LRIG1: variants seen among roughly 807,000 people sequenced by gnomAD.
LRIG1 encodes leucine-rich repeats and immunoglobulin-like domains protein 1.
In LRIG1, 48 loss-of-function variants were observed where a neutral mutation model predicts 99.2. The observed-to-expected ratio is 0.48, with a 90% CI of 0.38 to 0.62. The LOEUF is 0.62. Among genes scored for constraint, LRIG1 ranks in the 20% least tolerant of loss-of-function variants. The pLI is 0.00. For synonymous variants in LRIG1, 772 were observed against 596.1 expected (o/e 1.29, Z -4.30); for missense variants, 1,646 against 1,434.4 (o/e 1.15, Z -2.38).
intron 3 of LRIG1, among the ~76,000 whole-genome samples, chr3:66,437,239 A>G (rs1178776346): frequency 1.3e-5 from 2 of 152,196 alleles, no homozygotes; most frequent in Non-Finnish European, 2.9e-5. Flanking sequence ...CAAACAAGCG[A>G]GCAGAGACTG....
intron 1 of LRIG1, among the ~76,000 whole-genome samples, chr3:66,465,688 G>T (rs1042934083): frequency 6.6e-6 from 1 of 151,962 alleles, no homozygotes; most frequent in Non-Finnish European, 1.5e-5. Context: ...TTTTAATGTG[G>T]TAAAATACAT....
chr3:66,430,696 G>A (rs2106742355), intron 3 of LRIG1, among the ~76,000 whole-genome samples: 1 of 152,272 alleles, frequency 6.6e-6, no homozygotes, highest in Non-Finnish European at 1.5e-5. Context: ...CTTGGCATCT[G>A]GGCATGGCAA....
chr3:66,405,274 G>C lies in LRIG1; in HGVS notation c.1084C>G (p.Leu362Val), dbSNP rs202151228. ...KGLRSLRVLD[L>V]DHNEISGTIE... is the part of the protein sequence containing the mutation. Reference sequence around the variant, plus strand: ...GTGCCCGAAATCTCGTTATGGTCCAGATCCCTGGGGAGAGGACAGAAAGCA... The same window carrying C: ...GTGCCCGAAATCTCGTTATGGTCCACATCCCTGGGGAGAGGACAGAAAGCA... The change falls in exon 9 of 19, where the codon CTG (leucine) becomes GTG (valine). Residue 362 changes from leucine (L) to valine (V), a missense_variant. Transcript: ENST00000273261. 5 of 1,613,698 alleles carry C rather than the reference G, an allele frequency of 3.1e-6. No homozygotes were observed. Among genetic ancestry groups the C allele is most frequent in the Non-Finnish European group, 4.2e-6 (5 of 1,179,602 alleles).
chr3:66,490,796 G>A (rs1400610181), intron 1 of LRIG1, among the ~76,000 whole-genome samples: 7 of 152,206 alleles, frequency 4.6e-5, no homozygotes, highest in Admixed American at 1.3e-4. Context: ...TAAGGCCACC[G>A]AACACTCCAT....
intron 6 of LRIG1, among the ~76,000 whole-genome samples, chr3:66,411,661 C>G (rs939025627): frequency 1.3e-5 from 2 of 152,170 alleles, no homozygotes; most frequent in Admixed American, 6.5e-5. Flanking sequence ...GTGGATGGAC[C>G]TGGGCCTAGC....
intron 3 of LRIG1, among the ~76,000 whole-genome samples, chr3:66,428,848 A>G (rs757359360): frequency 2.6e-5 from 4 of 152,260 alleles, no homozygotes; most frequent in Non-Finnish European, 5.9e-5. Context: ...AATCAGAATA[A>G]GCAGGTCTCT....
In LRIG1 at chr3:66,381,629, C is replaced by T. The variant is rs765835455; in HGVS notation, c.2620G>A (p.Val874Met). ...QANGHIESNG[V>M]CPRDASHFPE... ...AAGTGGCTTGCATCTCTTGGACACA[C>T]ACCTGCAAGTGGATTCCAACACGAT... The change falls in exon 17 of 19, where the codon GTG becomes ATG. Residue 874 changes from valine to methionine, a missense_variant and splice_region_variant. By Grantham distance (21) the Val-to-Met change is conservative. Transcript: ENST00000273261. 1.9e-6 allele frequency: 3 copies of T among 1,612,784 alleles called. No individual in the cohort carries two copies. The highest frequency in any genetic ancestry group is 2.2e-5 in the East Asian group (1 of 44,860).
intron 1 of LRIG1, among the ~76,000 whole-genome samples, chr3:66,499,201 TTA>T (rs1353342444): frequency 1.1e-4 from 2 of 18,940 alleles, no homozygotes; most frequent in African/African-American, 1.4e-4. Context: ...TCTACCATGT[TTA>T]CACAGAAGTC....
chr3:66,474,610 T>C (rs1700677100), intron 1 of LRIG1, among the ~76,000 whole-genome samples: 1 of 152,134 alleles, frequency 6.6e-6, no homozygotes, highest in East Asian at 1.9e-4. Context: ...CCTCCCAAAG[T>C]GCTGGGATTA....
chr3:66,474,582 G>A (rs1333748712), intron 1 of LRIG1, among the ~76,000 whole-genome samples: 1 of 152,076 alleles, frequency 6.6e-6, no homozygotes, highest in Admixed American at 6.6e-5. Context: ...CTGACCTCAG[G>A]TGATCCGCCC....
intron 1 of LRIG1, among the ~76,000 whole-genome samples, chr3:66,467,697 G>C (rs376263603): frequency 1.3e-5 from 2 of 152,230 alleles, no homozygotes; most frequent in East Asian, 1.9e-4. Context: ...ACAGTACCAC[G>C]TGGCTAGTGG....
At chr3:66,406,529 C>T in intron 8 of LRIG1, 2 of 485,880 alleles carry the variant, frequency 4.1e-6, no homozygotes, top group Non-Finnish European at 5.4e-6. Context: ...AAAGGCCTCC[C>T]TCCCTGTCAC....
At chr3:66,394,860 G>A (rs1453957592) in intron 11 of LRIG1, among the ~76,000 whole-genome samples, 2 of 152,182 alleles carry the variant, frequency 1.3e-5, no homozygotes, top group South Asian at 2.1e-4. Context: ...TCAGGGGGCC[G>A]GCAGAATTCG....
rs755071993 is a variant in LRIG1, at chr3:66,451,572, C to A, written c.352G>T (p.Val118Phe). ...GGCACCACTTACAGAAAGAGAGAGA[C>A]GACATGTGATGAAGCAGCGCCCAGG... ...PSLGAASSHV[V>F]SLFLQHNKIR... Residue 118 changes from valine (V) to phenylalanine (F), a missense_variant, in exon 3 of 19, where the codon GTC (valine) becomes TTC (phenylalanine). By Grantham distance (50) the Val-to-Phe change is conservative (BLOSUM62 -1). Coordinates refer to ENST00000273261, the MANE Select transcript of LRIG1 (RefSeq NM_015541.3). 6.2e-7 allele frequency: 1 copy of A among 1,613,816 alleles called. No homozygotes were observed. The highest frequency in any genetic ancestry group is 1.3e-5 in the African/African-American group (1 of 74,870).
chr3:66,496,796 A>C (rs952091119), intron 1 of LRIG1, among the ~76,000 whole-genome samples: 2 of 152,184 alleles, frequency 1.3e-5, no homozygotes, highest in African/African-American at 2.4e-5. Flanking sequence ...CTGCACTTTA[A>C]ACTTAATTTG....
rs755779487 is a variant in LRIG1 at position 66,384,208 on chromosome 3, G to A, written c.1854C>T (p.Leu618=). The A allele has an allele frequency of 1.4e-5, 22 of 1,613,972 alleles. No homozygotes were observed. In the Middle Eastern group the frequency reaches 4.9e-4, roughly 36 times the overall value. Reference sequence around the variant, plus strand: ...TTGGGTGACCTGTGGCAGCACATTCGAGGCGGGCCATGGTGGTGGTCCGGA... The same window carrying A: ...TTGGGTGACCTGTGGCAGCACATTCAAGGCGGGCCATGGTGGTGGTCCGGA... ...ITIRTTTMAR[L]ECAATGHPNP... is the part of the protein sequence containing the mutation. The change falls in exon 14 of 19, where the codon CTC becomes CTT. Residue 618 remains leucine (L), a synonymous_variant. Transcript: ENST00000273261.
In LRIG1 at chr3:66,384,120, T is replaced by A; in HGVS notation, c.1942A>T (p.Met648Leu). ...TDFPAARERR[M>L]HVMPDDDVFF... ...ACGTCGTCATCCGGCATGACATGCA[T>A]GCGTCGCTCACGGGCAGCGGGGAAA... The change falls in exon 14 of 19, where the codon ATG becomes TTG. Residue 648 changes from methionine to leucine, a missense_variant. Physicochemically the swap from Met to Leu is conservative, Grantham distance 15 (BLOSUM62 2). Transcript: ENST00000273261. 6.2e-7 allele frequency: 1 copy of A among 1,614,222 alleles called. No homozygotes were observed. Among genetic ancestry groups the A allele is most frequent in the Non-Finnish European group, 8.5e-7 (1 of 1,180,040 alleles).
At chr3:66,470,494 C>T (rs985301497) in intron 1 of LRIG1, among the ~76,000 whole-genome samples, 1 of 152,056 alleles carries the variant, frequency 6.6e-6, no homozygotes, top group South Asian at 2.1e-4. Flanking sequence ...GAAGTCAGGA[C>T]CTCCTAGAAA....
At chr3:66,441,050 A>T (rs1703521273) in intron 3 of LRIG1, among the ~76,000 whole-genome samples, 1 of 152,094 alleles carries the variant, frequency 6.6e-6, no homozygotes, top group South Asian at 2.1e-4. Flanking sequence ...TTACAAACTA[A>T]CGTCACAGCA....
Sources: gnomAD v4.1 joint callset for allele counts (sites outside exome capture counted in the v4.1 genomes callset) on GRCh38, gnomAD v4.1.1 for gene constraint, MANE v1.5 for transcripts, NCBI Gene and HGNC (gene_info 2026-07-23, HGNC 2026-07-21) for gene names.